Variants in ARHGEF28 observed in about 807,000 individuals in gnomAD.
ARHGEF28 encodes the protein Rho guanine nucleotide exchange factor 28.
Under a neutral mutation model 206.6 loss-of-function variants are expected in ARHGEF28, and 152 were observed. The ratio of observed to expected loss-of-function variants is 0.74; its 90% confidence interval spans 0.64 to 0.84. The LOEUF is 0.84. ARHGEF28 is among the 40% of genes least tolerant of loss of function. The pLI is 0.00. For synonymous variants in ARHGEF28, 763 were observed against 776.4 expected (o/e 0.98, Z 0.29); for missense variants, 2,028 against 2,073.2 (o/e 0.98, Z 0.42).
At chr5:73,665,471 A>G (rs1423531173) in intron 1 of ARHGEF28, among the ~76,000 whole-genome samples, 2 of 152,078 alleles carry the variant, frequency 1.3e-5, no homozygotes, top group Non-Finnish European at 2.9e-5. Flanking sequence ...GCAGGCACCT[A>G]TTATCACATC....
intron 2 of ARHGEF28, among the ~76,000 whole-genome samples, chr5:73,694,847 G>C (rs770314268): frequency 2.6e-5 from 4 of 152,232 alleles, no homozygotes; most frequent in Non-Finnish European, 5.9e-5. Context: ...TGCACTGTAA[G>C]AGCAGAGAGT....
At chr5:73,794,555 A>G in intron 8 of ARHGEF28, 101 bp downstream of exon 8, 1 of 953,066 alleles carries the variant, frequency 1.0e-6, no homozygotes, top group Non-Finnish European at 1.6e-6. Context: ...TAAAAAAAGG[A>G]TGTGCCCCAA....
At chr5:73,698,455 G>T (rs1054903155) in intron 2 of ARHGEF28, among the ~76,000 whole-genome samples, 1 of 152,092 alleles carries the variant, frequency 6.6e-6, no homozygotes, top group African/African-American at 2.4e-5. Flanking sequence ...GATCCATTTT[G>T]AAAAGTCTCT....
intron 35 of ARHGEF28, chr5:73,923,260 C>T (rs1763620286): frequency 1.8e-6 from 2 of 1,122,424 alleles, no homozygotes; most frequent in Non-Finnish European, 2.5e-6. Context: ...TTATGCTAAA[C>T]AAGCAGTCTG....
At chr5:73,907,996 T>A (rs1380493660) in intron 33 of ARHGEF28, among the ~76,000 whole-genome samples, 2 of 152,206 alleles carry the variant, frequency 1.3e-5, no homozygotes, top group South Asian at 4.1e-4. Context: ...TAAGTGGTGA[T>A]GTATAGTCTA....
intron 1 of ARHGEF28, among the ~76,000 whole-genome samples, chr5:73,662,383 C>A (rs1745666358): frequency 6.6e-6 from 1 of 152,128 alleles, no homozygotes; most frequent in African/African-American, 2.4e-5. Context: ...AGGAAAAAGC[C>A]CAAGTTCTTT....
chr5:73,659,004 CA>C (rs1745416979), intron 1 of ARHGEF28, among the ~76,000 whole-genome samples: 1 of 150,182 alleles, frequency 6.7e-6, no homozygotes, highest in African/African-American at 2.5e-5. Flanking sequence ...CACACACACA[CA>C]CCACACTCAC....
chr5:73,936,041 G>A (rs1764400985), intron 35 of ARHGEF28, among the ~76,000 whole-genome samples: 1 of 152,110 alleles, frequency 6.6e-6, no homozygotes, highest in Non-Finnish European at 1.5e-5. Context: ...AAGAGATACT[G>A]GTGCATTTAG....
intron 2 of ARHGEF28, among the ~76,000 whole-genome samples, chr5:73,693,864 C>G (rs1222683558): frequency 2.0e-5 from 3 of 150,656 alleles, no homozygotes; most frequent in Non-Finnish European, 2.9e-5. Context: ...ATCTCTTTGC[C>G]TTGTCTCCTG....
At chr5:73,897,052 C>T (rs1034395737) in intron 29 of ARHGEF28, among the ~76,000 whole-genome samples, 7 of 152,230 alleles carry the variant, frequency 4.6e-5, no homozygotes, top group African/African-American at 4.8e-5. Context: ...CACCTTGAAT[C>T]GTCTTCCTGG....
rs1218430034 is a variant in ARHGEF28, at chr5:73,870,059, C to T, written c.2426-10C>T. 6.8e-6 allele frequency: 11 copies of T among 1,606,590 alleles called. No homozygotes were observed. The highest frequency in any genetic ancestry group is 1.7e-5 in the Admixed American group (1 of 57,750). On this transcript the variant is annotated splice_polypyrimidine_tract_variant and intron_variant, in intron 20 of 35. Coordinates refer to ENST00000513042, the MANE Select transcript of ARHGEF28 (RefSeq NM_001177693.2). ...GTACTTCTGGCTTTTCTTTTCTAAA[C>T]ACACATTAGATGTTGTGGATTCTTC...
intron 27 of ARHGEF28, among the ~76,000 whole-genome samples, chr5:73,892,519 G>A (rs1761708056): frequency 6.6e-6 from 1 of 152,176 alleles, no homozygotes; most frequent in African/African-American, 2.4e-5. Flanking sequence ...TTTCTTGCCT[G>A]AAATTCTTTA....
chr5:73,792,642 C>CTTTT (rs397943639), intron 7 of ARHGEF28, among the ~76,000 whole-genome samples: 29 of 122,048 alleles, frequency 2.4e-4, no homozygotes, highest in African/African-American at 8.4e-4. Context: ...TCCTTCCCTT[C>CTTTT]TTTTTTTTTT....
chr5:73,807,932 A>G (rs1212507217), intron 9 of ARHGEF28, among the ~76,000 whole-genome samples: 2 of 151,946 alleles, frequency 1.3e-5, no homozygotes, highest in Non-Finnish European at 2.9e-5. Flanking sequence ...TTCTTATTAT[A>G]TGTAGACACA....
At chr5:73,913,263 G>GT (rs1474583018) in intron 35 of ARHGEF28, among the ~76,000 whole-genome samples, 3 of 152,136 alleles carry the variant, frequency 2.0e-5, no homozygotes, top group African/African-American at 4.8e-5. Flanking sequence ...GAACATCCTG[G>GT]TTTATATAAG....
chr5:73,820,883 C>T (rs990683578), intron 9 of ARHGEF28, among the ~76,000 whole-genome samples: 3 of 152,178 alleles, frequency 2.0e-5, no homozygotes, highest in Admixed American at 1.3e-4. Context: ...TGCAAGTGTG[C>T]TTGGTAATGG....
At chr5:73,680,924 A>G (rs902490330) in intron 1 of ARHGEF28, among the ~76,000 whole-genome samples, 1 of 151,978 alleles carries the variant, frequency 6.6e-6, no homozygotes, top group Non-Finnish European at 1.5e-5. Flanking sequence ...GCTGGTCTCA[A>G]ACTCCTGGGC....
chr5:73,842,611 C>T (rs996927086), intron 11 of ARHGEF28, among the ~76,000 whole-genome samples: 3 of 152,140 alleles, frequency 2.0e-5, no homozygotes, highest in South Asian at 2.1e-4. Context: ...ACTGCCAGTC[C>T]ACACAAGATT....
intron 1 of ARHGEF28, among the ~76,000 whole-genome samples, chr5:73,676,908 C>T (rs1022066570): frequency 1.3e-5 from 2 of 152,122 alleles, no homozygotes; most frequent in Non-Finnish European, 2.9e-5. Context: ...AAATTCTCAT[C>T]GAACGATAGC....
Sources: gnomAD v4.1 joint callset for allele counts (sites outside exome capture counted in the v4.1 genomes callset) on GRCh38, gnomAD v4.1.1 for gene constraint, MANE v1.5 for transcripts, NCBI Gene and HGNC (gene_info 2026-07-23, HGNC 2026-07-21) for gene names.